Variants in LIN52 observed in about 807,000 individuals in gnomAD.
The protein encoded by LIN52 is protein lin-52 homolog.
Under a neutral mutation model 18.5 loss-of-function variants are expected in LIN52, and 4 were observed. That is an observed-to-expected ratio of 0.22 (90% CI 0.11 to 0.49). The LOEUF (loss-of-function observed/expected upper bound fraction) is 0.49, where lower values mean the gene tolerates loss of function less well. LIN52 is among the 20% of genes least tolerant of loss of function. LIN52 has a pLI of 0.97. For synonymous variants in LIN52, 34 were observed against 45.5 expected (o/e 0.75, Z 1.02); for missense variants, 102 against 139.5 (o/e 0.73, Z 1.35).
chr14:74,163,355 T>A (rs187964939), intron 5 of LIN52, among the ~76,000 whole-genome samples: 3 of 152,328 alleles, frequency 2.0e-5, no homozygotes, highest in African/African-American at 7.2e-5. Flanking sequence ...GTGTTTGGGT[T>A]ACAAGCGTGA....
chr14:74,119,450 C>A (rs965786197), intron 5 of LIN52, among the ~76,000 whole-genome samples: 1 of 152,036 alleles, frequency 6.6e-6, no homozygotes, highest in Non-Finnish European at 1.5e-5. Context: ...AGGCATGAGC[C>A]GCCGCACCTG....
intron 5 of LIN52, among the ~76,000 whole-genome samples, chr14:74,151,793 A>G (rs569008692): frequency 6.6e-6 from 1 of 152,336 alleles, no homozygotes; most frequent in Non-Finnish European, 1.5e-5. Context: ...AGTCAGAAGA[A>G]CTACATGCAA....
At chr14:74,108,278 G>A (rs1309187031) in intron 5 of LIN52, among the ~76,000 whole-genome samples, 1 of 152,182 alleles carries the variant, frequency 6.6e-6, no homozygotes, top group Admixed American at 6.5e-5. Context: ...CTGGTGATGG[G>A]CGTTTGAGTT....
intron 5 of LIN52, among the ~76,000 whole-genome samples, chr14:74,136,156 C>T (rs58947971): frequency 0.14 from 20,954 of 152,194 alleles, 2,034 homozygotes; most frequent in East Asian, 0.58. Context: ...AGTTATTGTG[C>T]TAGTGCTGTA....
intron 5 of LIN52, among the ~76,000 whole-genome samples, chr14:74,135,639 G>C (rs1313994067): frequency 6.6e-6 from 1 of 152,120 alleles, no homozygotes; most frequent in Non-Finnish European, 1.5e-5. Flanking sequence ...GAAAAGTGTG[G>C]TTAAAATTGT....
rs1259740834 is a variant in LIN52, at chr14:74,131,190, A to ATACTTTGTCAAATTCTG, written c.283+29954_283+29955insCTTTGTCAAATTCTGTA. 6.3e-3 allele frequency among the ~76,000 whole-genome samples: 955 copies of ATACTTTGTCAAATTCTG among 152,200 alleles called. 11 individuals are homozygous for ATACTTTGTCAAATTCTG. The highest frequency in any genetic ancestry group is 0.022 in the African/African-American group (909 of 41,526). ...CAAATCCCATCATCCATTGTCCAGT[A>ATACTTTGTCAAATTCTG]TAGTTGTGCTTTTCATGGCTGTTAG... On this transcript the variant is annotated intron_variant, in intron 5 of 5. Coordinates refer to ENST00000555028, the MANE Select transcript of LIN52 (RefSeq NM_001024674.3).
intron 5 of LIN52, among the ~76,000 whole-genome samples, chr14:74,191,822 A>G (rs555657322): frequency 6.6e-6 from 1 of 152,108 alleles, no homozygotes; most frequent in African/African-American, 2.4e-5. Flanking sequence ...TTTTTAGTAG[A>G]GATGGAGTTT....
intron 5 of LIN52, among the ~76,000 whole-genome samples, chr14:74,133,959 T>C (rs2061082918): frequency 6.6e-6 from 1 of 152,190 alleles, no homozygotes; most frequent in South Asian, 2.1e-4. Flanking sequence ...TTTTAACATG[T>C]AGTTAAGAAA....
chr14:74,136,126 A>G (rs570991217), intron 5 of LIN52, among the ~76,000 whole-genome samples: 3 of 152,362 alleles, frequency 2.0e-5, no homozygotes, highest in African/African-American at 7.2e-5. Flanking sequence ...ATAATCTAAA[A>G]TTAACCTAAC....
At chr14:74,175,711 T>TACACACACACACACAC (rs35602442) in intron 5 of LIN52, among the ~76,000 whole-genome samples, 9 of 86,326 alleles carry the variant, frequency 1.0e-4, no homozygotes, top group African/African-American at 1.5e-4. Context: ...CACAGACACA[T>TACACACACACACACAC]ACACACACAC....
At chr14:74,107,344 G>T (rs1325661598) in intron 5 of LIN52, among the ~76,000 whole-genome samples, 1 of 151,896 alleles carries the variant, frequency 6.6e-6, no homozygotes, top group African/African-American at 2.4e-5. Context: ...TATTCCTAAG[G>T]TTCATTATCA....
intron 5 of LIN52, among the ~76,000 whole-genome samples, chr14:74,115,646 T>A (rs1172696189): frequency 3.3e-5 from 5 of 152,250 alleles, no homozygotes; most frequent in Non-Finnish European, 7.3e-5. Context: ...TAATTAGAAA[T>A]TGTCAATTTA....
intron 5 of LIN52, among the ~76,000 whole-genome samples, chr14:74,151,868 T>G (rs1331607043): frequency 2.6e-5 from 4 of 152,200 alleles, no homozygotes; most frequent in Non-Finnish European, 5.9e-5. Context: ...CATTTTTTTT[T>G]TCTCATCTAT....
chr14:74,125,602 G>A (rs891836863), intron 5 of LIN52, among the ~76,000 whole-genome samples: 2 of 151,794 alleles, frequency 1.3e-5, no homozygotes, highest in African/African-American at 2.4e-5. Context: ...TGTTTATTGC[G>A]GCACTATTCA....
chr14:74,192,369 T>A (rs549563394), intron 5 of LIN52, among the ~76,000 whole-genome samples: 1 of 152,222 alleles, frequency 6.6e-6, no homozygotes, highest in South Asian at 2.1e-4. Context: ...CACTGCAACC[T>A]CTGCCTCCTG....
rs147558424 is a variant in LIN52, at chr14:74,096,634, G to A, written c.132+649G>A. Among the ~76,000 whole-genome samples the A allele has an allele frequency of 1.1e-3, 167 of 152,046 alleles. 1 individual carries two copies. In the South Asian group the frequency reaches 0.02, roughly 19 times the overall value. On this transcript the variant is annotated intron_variant, in intron 3 of 5. Coordinates refer to ENST00000555028, the MANE Select transcript of LIN52 (RefSeq NM_001024674.3). ...ATTTTAATTAAAAAAAGAGAAAGAC[G>A]CAAAGCTGAAATAATGTTTCTCAAC...
intron 5 of LIN52, among the ~76,000 whole-genome samples, chr14:74,148,770 C>T (rs990221796): frequency 2.6e-5 from 4 of 152,110 alleles, no homozygotes; most frequent in Non-Finnish European, 5.9e-5. Context: ...TTGTCTATTC[C>T]TCCACATATA....
chr14:74,172,720 C>T (rs1212664621), intron 5 of LIN52, among the ~76,000 whole-genome samples: 1 of 152,186 alleles, frequency 6.6e-6, no homozygotes, highest in Non-Finnish European at 1.5e-5. Flanking sequence ...AGCCAGTGAG[C>T]ACTTTGCCTC....
intron 1 of LIN52, chr14:74,085,263 C>CT (rs1415470125): frequency 2.8e-6 from 1 of 362,378 alleles, no homozygotes; most frequent in Non-Finnish European, 4.9e-6. Flanking sequence ...GGGGGTCGCC[C>CT]TGTGCCTTCC....
Sources: allele counts gnomAD v4.1 joint callset (sites outside exome capture counted in the v4.1 genomes callset), GRCh38; gene constraint gnomAD v4.1.1; transcripts MANE v1.5; gene names NCBI Gene and HGNC (gene_info 2026-07-23, HGNC 2026-07-21).